Variants in PGCKA1 observed in about 807,000 individuals in gnomAD.
PGCKA1 encodes the protein PDCD10 and GCKIII kinases associated 1.
At chr4:37,570,609 A>G in the PGCKA1 span, among the ~76,000 whole-genome samples, 2 of 152,146 alleles carry the variant, frequency 1.3e-5, no homozygotes, top group Non-Finnish European at 2.9e-5. Context: ...CTCAGTCCCT[A>G]GTAGCGGCTC....
At chr4:37,559,111 C>T in the PGCKA1 span, among the ~76,000 whole-genome samples, 5 of 67,886 alleles carry the variant, frequency 7.4e-5, no homozygotes, top group African/African-American at 3.0e-4. Flanking sequence ...ACCCAAAGGA[C>T]TATAAATCAT....
the PGCKA1 span, among the ~76,000 whole-genome samples, chr4:37,592,984 G>A: frequency 6.6e-6 from 1 of 152,160 alleles, no homozygotes; most frequent in Non-Finnish European, 1.5e-5. Flanking sequence ...CACCTTTAAG[G>A]ACGGCACCCT....
chr4:37,455,170 A>G, the PGCKA1 span, among the ~76,000 whole-genome samples: 3 of 152,182 alleles, frequency 2.0e-5, no homozygotes, highest in South Asian at 6.2e-4. Context: ...TAAACATAAT[A>G]GAGTCTATAT....
At chr4:37,588,370 C>T in the PGCKA1 span, 781 of 156,722 alleles carry the variant, frequency 5.0e-3, 15 homozygotes, top group African/African-American at 0.018. Flanking sequence ...ACAATGGATC[C>T]GCCAGCTTAT....
the PGCKA1 span, among the ~76,000 whole-genome samples, chr4:37,481,464 CAAAAAA>C: frequency 7.8e-4 from 48 of 61,406 alleles, no homozygotes; most frequent in East Asian, 1.2e-3. Flanking sequence ...GACCTGTCTC[CAAAAAA>C]AAAAAAAAAA....
chr4:37,570,567 GT>G, the PGCKA1 span, among the ~76,000 whole-genome samples: 347 of 152,224 alleles, frequency 2.3e-3, 1 homozygote, highest in African/African-American at 7.8e-3. Context: ...GCTCCTGGTA[GT>G]TATTTTTATT....
At chr4:37,541,895 A>G in the PGCKA1 span, among the ~76,000 whole-genome samples, 3 of 152,198 alleles carry the variant, frequency 2.0e-5, no homozygotes, top group Non-Finnish European at 4.4e-5. Context: ...GAGAGAGTCC[A>G]GTGGCGGCAG....
chr4:37,527,705 C>T, the PGCKA1 span, among the ~76,000 whole-genome samples: 1 of 151,612 alleles, frequency 6.6e-6, no homozygotes, highest in African/African-American at 2.4e-5. Context: ...TGGCGGGCGC[C>T]TGTAGTCCCA....
chr4:37,549,342 A>G, the PGCKA1 span, among the ~76,000 whole-genome samples: 4,779 of 152,234 alleles, frequency 0.031, 144 homozygotes, highest in Admixed American at 0.08. Context: ...CATCAACCAG[A>G]AGAAAAAAAA....
At chr4:37,537,084 C>T in the PGCKA1 span, among the ~76,000 whole-genome samples, 257 of 152,280 alleles carry the variant, frequency 1.7e-3, no homozygotes, top group Admixed American at 0.012. Context: ...TAATTGATTG[C>T]TTGACCTGTG....
the PGCKA1 span, among the ~76,000 whole-genome samples, chr4:37,465,804 C>T: frequency 8.5e-4 from 129 of 152,284 alleles, no homozygotes; most frequent in African/African-American, 2.9e-3. Flanking sequence ...ATCATACATC[C>T]TGTCCTGTAA....
chr4:37,495,585 C>A, the PGCKA1 span, among the ~76,000 whole-genome samples: 1 of 152,164 alleles, frequency 6.6e-6, no homozygotes, highest in Admixed American at 6.5e-5. Context: ...TGGAAACCAT[C>A]ATTCTCAGCA....
chr4:37,589,456 A>T, the PGCKA1 span, among the ~76,000 whole-genome samples: 1 of 152,214 alleles, frequency 6.6e-6, no homozygotes, highest in Admixed American at 6.5e-5. Context: ...CTTCATATTT[A>T]TCATTTTAGT....
At chr4:37,562,006 T>C in the PGCKA1 span, among the ~76,000 whole-genome samples, 1 of 152,194 alleles carries the variant, frequency 6.6e-6, no homozygotes, top group Non-Finnish European at 1.5e-5. Context: ...GCACTATGCC[T>C]GGGGCTATTT....
At chr4:37,501,392 G>C in the PGCKA1 span, among the ~76,000 whole-genome samples, 1 of 152,278 alleles carries the variant, frequency 6.6e-6, no homozygotes, top group South Asian at 2.1e-4. Flanking sequence ...CTACACATGC[G>C]AGGGATCTAG....
At chr4:37,526,228 A>AT in the PGCKA1 span, among the ~76,000 whole-genome samples, 1 of 152,236 alleles carries the variant, frequency 6.6e-6, no homozygotes, top group Non-Finnish European at 1.5e-5. Context: ...TCTTAATCAG[A>AT]TTATGAAATT....
At chr4:37,540,629 GC>G in the PGCKA1 span, among the ~76,000 whole-genome samples, 1 of 152,308 alleles carries the variant, frequency 6.6e-6, no homozygotes, top group Admixed American at 6.5e-5. Flanking sequence ...ACAACAAAGA[GC>G]CCCTGTGTGA....
chr4:37,487,942 T>C, the PGCKA1 span, among the ~76,000 whole-genome samples: 1 of 152,176 alleles, frequency 6.6e-6, no homozygotes, highest in Non-Finnish European at 1.5e-5. Flanking sequence ...CACCACAGTG[T>C]TTTTTACTAT....
chr4:37,459,215 G>A, the PGCKA1 span, among the ~76,000 whole-genome samples: 3 of 152,054 alleles, frequency 2.0e-5, no homozygotes, highest in South Asian at 2.1e-4. Flanking sequence ...ACATGATTAT[G>A]CCCTCAAAGA....
Sources: gnomAD v4.1 joint callset for allele counts (sites outside exome capture counted in the v4.1 genomes callset) on GRCh38, gnomAD v4.1.1 for gene constraint, MANE v1.5 for transcripts, NCBI Gene and HGNC (gene_info 2026-07-23, HGNC 2026-07-21) for gene names.